Variants in NBEA observed in about 807,000 individuals in gnomAD.
NBEA encodes lysosomal-trafficking regulator 2.
NBEA carries 44 observed loss-of-function variants against 343.4 expected under a neutral mutation model. The observed-to-expected ratio is 0.13, with a 90% CI of 0.10 to 0.16. The LOEUF is 0.16. Ranked by LOEUF, NBEA falls within the 10% of genes least tolerant of loss-of-function variation. The pLI is 1.00. For synonymous variants in NBEA, 1,175 were observed against 1,238.7 expected (o/e 0.95, Z 1.08); for missense variants, 2,555 against 3,631.3 (o/e 0.70, Z 7.62).
intron 1 of NBEA, among the ~76,000 whole-genome samples, chr13:35,001,302 C>T (rs531307447): frequency 1.3e-5 from 2 of 152,012 alleles, no homozygotes; most frequent in South Asian, 4.1e-4. Flanking sequence ...CCATATGATC[C>T]AGCAGTCCCA....
intron 38 of NBEA, among the ~76,000 whole-genome samples, chr13:35,379,507 T>C (rs749208909): frequency 6.6e-5 from 10 of 152,182 alleles, no homozygotes; most frequent in Non-Finnish European, 1.5e-4. Flanking sequence ...CCTTTTGCTT[T>C]CTTATTTTTA....
At chr13:34,987,926 C>T (rs905798783) in intron 1 of NBEA, among the ~76,000 whole-genome samples, 11 of 150,698 alleles carry the variant, frequency 7.3e-5, no homozygotes, top group Non-Finnish European at 1.0e-4. Context: ...AGCTTCCTTG[C>T]AATGGGTTTG....
chr13:35,513,145 T>A (rs1318326606), intron 41 of NBEA, among the ~76,000 whole-genome samples: 1 of 151,282 alleles, frequency 6.6e-6, no homozygotes, highest in Admixed American at 6.6e-5. Context: ...TTTTTCTTTT[T>A]TTTTTTTTTA....
At chr13:35,521,578 G>T (rs920373133) in intron 41 of NBEA, among the ~76,000 whole-genome samples, 2 of 152,172 alleles carry the variant, frequency 1.3e-5, no homozygotes, top group African/African-American at 4.8e-5. Context: ...CTCTGCTTCT[G>T]CTTCATCGTT....
At chr13:35,352,730 A>T (rs993678042) in intron 38 of NBEA, among the ~76,000 whole-genome samples, 7 of 152,096 alleles carry the variant, frequency 4.6e-5, no homozygotes, top group Non-Finnish European at 5.9e-5. Context: ...ATATAAGCAT[A>T]TACTACAGAG....
chr13:35,581,087 C>A (rs1032029882), intron 45 of NBEA, among the ~76,000 whole-genome samples: 1 of 152,272 alleles, frequency 6.6e-6, no homozygotes, highest in African/African-American at 2.4e-5. Flanking sequence ...TTAGCATATT[C>A]ACGACAGAAC....
chr13:35,208,084 G>T (rs959537409), intron 31 of NBEA, among the ~76,000 whole-genome samples: 1 of 152,080 alleles, frequency 6.6e-6, no homozygotes, highest in Non-Finnish European at 1.5e-5. Context: ...CCTGAGTGTG[G>T]TGGCACGTAG....
intron 1 of NBEA, among the ~76,000 whole-genome samples, chr13:35,016,313 C>T (rs570274489): frequency 2.7e-4 from 41 of 151,736 alleles, no homozygotes; most frequent in South Asian, 6.3e-4. Flanking sequence ...ACTTGTAAAG[C>T]GACTTAAGTT....
At chr13:35,129,551 A>C (rs2067302492) in intron 17 of NBEA, among the ~76,000 whole-genome samples, 2 of 152,156 alleles carry the variant, frequency 1.3e-5, no homozygotes. Context: ...TGGTGAACTG[A>C]GGGATAGAAC....
At chr13:35,132,737 A>G (rs1424890089) in intron 17 of NBEA, among the ~76,000 whole-genome samples, 1 of 152,150 alleles carries the variant, frequency 6.6e-6, no homozygotes, top group Non-Finnish European at 1.5e-5. Flanking sequence ...GGGAGTGGGA[A>G]TTAACTGCCA....
At chr13:34,989,253 T>C (rs1230701096) in intron 1 of NBEA, among the ~76,000 whole-genome samples, 1 of 150,786 alleles carries the variant, frequency 6.6e-6, no homozygotes, top group Non-Finnish European at 1.5e-5. Context: ...ATGTGTATTA[T>C]ATCTACACAT....
At chr13:35,202,292 G>A (rs959144686) in intron 31 of NBEA, among the ~76,000 whole-genome samples, 1 of 152,132 alleles carries the variant, frequency 6.6e-6, no homozygotes, top group Non-Finnish European at 1.5e-5. Context: ...GTCAGTTTGT[G>A]TGTCATATTC....
At chr13:35,051,352 G>A (rs1217883128) in intron 6 of NBEA, among the ~76,000 whole-genome samples, 2 of 151,622 alleles carry the variant, frequency 1.3e-5, no homozygotes, top group Non-Finnish European at 2.9e-5. Flanking sequence ...TGGTGAGGGG[G>A]AGATCTTTAT....
chr13:35,157,528 G>T (rs1424550954), intron 21 of NBEA, among the ~76,000 whole-genome samples: 1 of 152,074 alleles, frequency 6.6e-6, no homozygotes, highest in Non-Finnish European at 1.5e-5. Flanking sequence ...TAGCAAATCT[G>T]GGAACTTTAA....
chr13:35,179,975 G>A (rs1335186644), intron 28 of NBEA, among the ~76,000 whole-genome samples: 1 of 151,714 alleles, frequency 6.6e-6, no homozygotes, highest in African/African-American at 2.4e-5. Context: ...CACAATGTAT[G>A]AAATAGTAAA....
intron 1 of NBEA, among the ~76,000 whole-genome samples, chr13:34,954,659 T>C (rs1457940827): frequency 6.6e-6 from 1 of 152,234 alleles, no homozygotes; most frequent in African/African-American, 2.4e-5. Context: ...CCAAAATCCA[T>C]GGATGCTCAA....
chr13:35,255,443 G>A (rs982687129), intron 34 of NBEA, among the ~76,000 whole-genome samples: 4 of 152,244 alleles, frequency 2.6e-5, no homozygotes, highest in Non-Finnish European at 5.9e-5. Flanking sequence ...CAGGCACAGA[G>A]CAGCAGTGGG....
At chr13:34,980,431 AT>A (rs2060318789) in intron 1 of NBEA, among the ~76,000 whole-genome samples, 1 of 143,136 alleles carries the variant, frequency 7.0e-6, no homozygotes, top group Non-Finnish European at 1.5e-5. Flanking sequence ...TTTTTATTAC[AT>A]TTTATTACAT....
intron 34 of NBEA, among the ~76,000 whole-genome samples, chr13:35,285,241 A>G (rs1327376080): frequency 2.0e-5 from 3 of 152,050 alleles, no homozygotes; most frequent in Non-Finnish European, 4.4e-5. Flanking sequence ...TCAGCTTGGG[A>G]AAGTTGGCAA....
Sources: gnomAD v4.1 joint callset for allele counts (sites outside exome capture counted in the v4.1 genomes callset) on GRCh38, gnomAD v4.1.1 for gene constraint, MANE v1.5 for transcripts, NCBI Gene and HGNC (gene_info 2026-07-23, HGNC 2026-07-21) for gene names.